Variants in ZNF302 observed in about 807,000 individuals in gnomAD.
ZNF302 encodes the protein zinc finger protein 302.
Under a neutral mutation model 10.8 loss-of-function variants are expected in ZNF302, and 12 were observed. The ratio of observed to expected loss-of-function variants is 1.11; its 90% CI spans 0.71 to 1.79. The LOEUF (loss-of-function observed/expected upper bound fraction) is 1.79, where lower values mean the gene tolerates loss of function less well. Among genes scored for constraint, ZNF302 ranks in the 40% most tolerant of loss-of-function variants. The pLI, the probability that ZNF302 is intolerant of heterozygous loss-of-function variation, is 0.00. For synonymous variants in ZNF302, 178 were observed against 157.5 expected (o/e 1.13, Z -0.98); for missense variants, 461 against 471.1 (o/e 0.98, Z 0.20).
chr19:34,684,507 C>T lies in ZNF302; in HGVS notation c.470C>T (p.Ser157Leu). Reference sequence around the variant, plus strand: ...TATGATATATTAAAGAAGAATTTATCAAAAAAGTCAGTTATAAAAAGTGAG... The same window carrying T: ...TATGATATATTAAAGAAGAATTTATTAAAAAAGTCAGTTATAAAAAGTGAG... ...HKYDILKKNL[S>L]KKSVIKSERI... Residue 157 changes from serine to leucine, a missense_variant, in exon 5 of 5, where the codon TCA becomes TTA. Transcript: ENST00000505242. The T allele has an allele frequency of 2.5e-6, 4 of 1,612,012 alleles. No individual in the cohort carries two copies. The highest frequency in any genetic ancestry group is 3.4e-6 in the Non-Finnish European group (4 of 1,179,190).
In ZNF302 at chr19:34,685,144, T is replaced by A. The variant is rs756290933; in HGVS notation, c.1107T>A (p.Tyr369Ter). The stretch of plus-strand genomic sequence containing the variant: ...GAATTCACAGTATGAAGAAAAAATA[T>A]GAATGCAACAAATGTCTCAAGGTCT... ...HQRIHSMKKK[Y>*]ECNKCLKVFS... The change falls in exon 5 of 5, where the codon TAT (tyrosine) becomes TAA (stop). Residue 369 changes from tyrosine to a stop codon, truncating the protein, a stop_gained. Coordinates refer to ENST00000505242, the MANE Select transcript of ZNF302 (RefSeq NM_001289187.2). LOFTEE classifies it low-confidence loss of function (END_TRUNC). 1 of 1,611,068 alleles carries A rather than the reference T, an allele frequency of 6.2e-7. No homozygotes were observed. Among genetic ancestry groups the A allele is most frequent in the East Asian group, 2.2e-5 (1 of 44,858 alleles).
chr19:34,683,933 T>C, intron 4 of ZNF302: 7 of 1,252,954 alleles, frequency 5.6e-6, no homozygotes, highest in Non-Finnish European at 6.1e-6. Context: ...CTGAATGCCT[T>C]CCACATCTTA....
intron 2 of ZNF302, chr19:34,681,868 C>T (rs1355839582): frequency 2.6e-5 from 4 of 152,122 alleles, no homozygotes; most frequent in Non-Finnish European, 4.4e-5. Flanking sequence ...TTTGTCAGCA[C>T]GAAGTTTAAG....
intron 2 of ZNF302, among the ~76,000 whole-genome samples, chr19:34,680,438 C>T (rs138588661): frequency 1.3e-5 from 2 of 152,156 alleles, no homozygotes; most frequent in African/African-American, 4.8e-5. Context: ...GTGGCTTAAG[C>T]AATGGAGAAA....
Position 34,685,479 on chromosome 19 carries a change from A to C in ZNF302, c.*242A>C. 1.3e-6 allele frequency: 2 copies of C among 1,589,228 alleles called. No individual in the cohort carries two copies. Among genetic ancestry groups the C allele is most frequent in the Non-Finnish European group, 1.7e-6 (2 of 1,158,042 alleles). On this transcript the variant is annotated 3_prime_UTR_variant, in exon 5 of 5. Coordinates refer to ENST00000505242, the MANE Select transcript of ZNF302 (RefSeq NM_001289187.2). Reference sequence around the variant, plus strand: ...AGAATTCATACTGGAGAAAAGCCATATAAATGTAGTGAGTGTGGGAAAGCT... The same window carrying C: ...AGAATTCATACTGGAGAAAAGCCATCTAAATGTAGTGAGTGTGGGAAAGCT...
At chr19:34,683,264 A>C in intron 4 of ZNF302, 26 bp downstream of exon 4, 2 of 1,613,498 alleles carry the variant, frequency 1.2e-6, no homozygotes, top group Non-Finnish European at 1.7e-6. Context: ...AGTCATGGTG[A>C]ACGAGACAAA....
At position 34,684,565 on chromosome 19, in the gene ZNF302, T is replaced by C. The variant is rs369736448; in HGVS notation, c.528T>C (p.Ser176=). ...ATGGTGGAAAGAAACTTTTAAATTC[T>C]AATAAAAGTGGGGCAGCCTTCAACC... The part of the protein sequence containing the change: ...RINGGKKLLN[S]NKSGAAFNQS... Residue 176 remains serine, a synonymous_variant, in exon 5 of 5, where the codon TCT becomes TCC. Coordinates refer to ENST00000505242, the MANE Select transcript of ZNF302 (RefSeq NM_001289187.2). The C allele has an allele frequency of 4.0e-5, 65 of 1,613,768 alleles. No homozygotes were observed. The highest frequency in any genetic ancestry group is 5.1e-5 in the Non-Finnish European group (60 of 1,179,846).
chr19:34,682,867 G>T lies in ZNF302; in HGVS notation c.100G>T (p.Val34Phe). 1.2e-6 allele frequency: 2 copies of T among 1,613,782 alleles called. No individual in the cohort carries two copies. ...GAGGGACTTATACAAGGATGTGATGGTCCAGAATTATGAGAACCTGGTCTC... is the reference window on the plus strand; with the variant it reads ...GAGGGACTTATACAAGGATGTGATGTTCCAGAATTATGAGAACCTGGTCTC... Reference protein sequence around the residue: ...AQRDLYKDVMVQNYENLVSVG... With the variant: ...AQRDLYKDVMFQNYENLVSVG... The change falls in exon 3 of 5, where the codon GTC becomes TTC. Residue 34 changes from valine to phenylalanine, a missense_variant. By Grantham distance (50) the Val-to-Phe change is conservative (BLOSUM62 -1). Coordinates refer to ENST00000505242, the MANE Select transcript of ZNF302 (RefSeq NM_001289187.2).
At chr19:34,683,350 A>T in intron 4 of ZNF302, 112 bp downstream of exon 4, 1 of 1,261,412 alleles carries the variant, frequency 7.9e-7, no homozygotes, top group African/African-American at 1.5e-5. Context: ...TCTCAGATAG[A>T]AATGAAAAAT....
At position 34,685,711 on chromosome 19, in the gene ZNF302, AGTT is replaced by A. The variant is rs2068625265; in HGVS notation, c.*477_*479del. Reference sequence around the variant, plus strand: ...ATCAGAAAAATGTATACTGGGGAAAAGTTGTATGAAGGTGGTGAACATGGGAGA... The same window carrying A: ...ATCAGAAAAATGTATACTGGGGAAAAGTATGAAGGTGGTGAACATGGGAGA... On this transcript the variant is annotated 3_prime_UTR_variant, in exon 5 of 5. Coordinates refer to ENST00000505242, the MANE Select transcript of ZNF302 (RefSeq NM_001289187.2). 1.5e-6 allele frequency: 1 copy of A among 655,198 alleles called. No homozygotes were observed. Among genetic ancestry groups the A allele is most frequent in the South Asian group, 2.0e-5 (1 of 49,066 alleles). The allele number at this position is 655,198 out of a possible 1,614,324, so 40.6% of individuals were successfully genotyped here. A position where few individuals can be genotyped will look rare whatever the true frequency, so the allele number is the denominator to read the frequency against.
At chr19:34,682,223 C>T (rs751743653) in intron 2 of ZNF302, 1 of 152,830 alleles carries the variant, frequency 6.5e-6, no homozygotes, top group Non-Finnish European at 1.5e-5. Flanking sequence ...AAAGATCTAA[C>T]CTCTCAATAC....
rs150329802 is a variant in ZNF302 at position 34,685,252 on chromosome 19, C to T, written c.*15C>T. 4.2e-5 allele frequency: 68 copies of T among 1,613,408 alleles called. 1 individual carries two copies. The East Asian group carries it at 4.9e-4, about 12-fold the overall frequency. On this transcript the variant is annotated 3_prime_UTR_variant, in exon 5 of 5. Coordinates refer to ENST00000505242, the MANE Select transcript of ZNF302 (RefSeq NM_001289187.2). ...TTGAAGTTTAGAAATGCAGGAAATC[C>T]TTCAACCAGCTTGAATCACTGAATA...
At chr19:34,684,049 C>T in intron 4 of ZNF302, 2 of 1,513,510 alleles carry the variant, frequency 1.3e-6, no homozygotes, top group Non-Finnish European at 8.8e-7. Flanking sequence ...GGATTCTCTG[C>T]TCTATTTGAG....
intron 2 of ZNF302, 106 bp from the exon 3 acceptor site, chr19:34,682,671 C>G (rs746605694): frequency 1.3e-6 from 2 of 1,538,834 alleles, no homozygotes; most frequent in African/African-American, 2.8e-5. Context: ...TGTCACAGCT[C>G]CTGAATCTTG....
intron 2 of ZNF302, among the ~76,000 whole-genome samples, chr19:34,680,467 T>C (rs1424340446): frequency 6.6e-6 from 1 of 152,210 alleles, no homozygotes; most frequent in African/African-American, 2.4e-5. Context: ...TAAATTTTAT[T>C]TAATTATTTT....
intron 4 of ZNF302, 32 bp from the exon 5 acceptor site, chr19:34,684,220 A>G (rs1247089240): frequency 4.0e-5 from 21 of 527,368 alleles, no homozygotes; most frequent in Middle Eastern, 4.8e-4. Flanking sequence ...AAAAAAAAAA[A>G]GGCAGTGCTT....
chr19:34,678,836 C>G, intron 2 of ZNF302, 23 bp downstream of exon 2: 1 of 1,613,744 alleles, frequency 6.2e-7, no homozygotes, highest in Non-Finnish European at 8.5e-7. Flanking sequence ...GTCCCCAAAT[C>G]TTCCTGAAAC....
At position 34,684,492 on chromosome 19, in the gene ZNF302, T is replaced by C. The variant is rs2068544967; in HGVS notation, c.455T>C (p.Leu152Ser). ...GGGAATTCACACAAATATGATATAT[T>C]AAAGAAGAATTTATCAAAAAAGTCA... ...AEGNSHKYDI[L>S]KKNLSKKSVI... The change falls in exon 5 of 5, where the codon TTA becomes TCA. Residue 152 changes from leucine (L) to serine (S), a missense_variant. Leu to Ser is a moderately radical substitution (Grantham distance 145). Transcript: ENST00000505242. 5.6e-6 allele frequency: 9 copies of C among 1,612,480 alleles called. No individual in the cohort carries two copies. The highest frequency in any genetic ancestry group is 7.6e-6 in the Non-Finnish European group (9 of 1,179,218).
upstream of ZNF302, chr19:34,676,313 T>C (rs2067945294): frequency 6.6e-6 from 1 of 152,218 alleles, no homozygotes; most frequent in Non-Finnish European, 1.5e-5. Context: ...ATGCTAATTA[T>C]ATGCATTAGC....
Sources: allele counts gnomAD v4.1 joint callset (sites outside exome capture counted in the v4.1 genomes callset), GRCh38; gene constraint gnomAD v4.1.1; transcripts MANE v1.5; gene names NCBI Gene and HGNC (gene_info 2026-07-23, HGNC 2026-07-21).